ZNF765: variants seen among roughly 807,000 people sequenced by gnomAD.
ZNF765 encodes zinc finger protein 765.
ZNF765 carries 37 observed loss-of-function variants against 44.7 expected under a neutral mutation model. That is an observed-to-expected ratio of 0.83 (90% CI 0.64 to 1.09). The LOEUF is 1.09. ZNF765 is among the 50% of genes least tolerant of loss of function. The pLI is 0.00. For synonymous variants in ZNF765, 201 were observed against 213.7 expected (o/e 0.94, Z 0.52); for missense variants, 594 against 626.1 (o/e 0.95, Z 0.55).
At position 53,410,776 on chromosome 19, in the gene ZNF765, A is replaced by G. The variant is rs2085826457; in HGVS notation, c.*1649A>G. 6.7e-6 allele frequency: 3 copies of G among 445,530 alleles called. No individual in the cohort carries two copies. The highest frequency in any genetic ancestry group is 4.1e-5 in the African/African-American group (2 of 49,324). 27.6% of individuals were successfully genotyped at this position (445,530 alleles called of 1,614,324 possible). A position where few individuals can be genotyped will look rare whatever the true frequency, so the allele number is the denominator to read the frequency against. The stretch of plus-strand genomic sequence containing the variant: ...ACCTTACAAATGTCATGATTGTGAC[A>G]AGGTCTCAGTCAAGCTTCATTCTAT... On this transcript the variant is annotated 3_prime_UTR_variant, in exon 4 of 4. Transcript: ENST00000396408.
chr19:53,408,685 A>G lies in ZNF765; in HGVS notation c.1130A>G (p.His377Arg). ...CATTTTACATGCCATCATAGAGTTC[A>G]TACTGGAGAGAAACCTTACAAGTGT... The part of the protein sequence containing the change: ...KSHFTCHHRV[H>R]TGEKPYKCNE... Residue 377 changes from histidine to arginine, a missense_variant, in exon 4 of 4, where the codon CAT becomes CGT. This residue lies in a region of ZNF765 where 567 missense variants were observed against 572.6 expected (regional missense o/e 0.99). Coordinates refer to ENST00000396408, the MANE Select transcript of ZNF765 (RefSeq NM_001040185.3). 6.5e-7 allele frequency: 1 copy of G among 1,539,938 alleles called. No homozygotes were observed. Among genetic ancestry groups the G allele is most frequent in the Non-Finnish European group, 8.8e-7 (1 of 1,133,404 alleles).
At chr19:53,403,479 T>C (rs1390714097) in intron 3 of ZNF765, among the ~76,000 whole-genome samples, 1 of 151,790 alleles carries the variant, frequency 6.6e-6, no homozygotes, top group Non-Finnish European at 1.5e-5. Flanking sequence ...TATGATGGAG[T>C]CTTACTCTGT....
chr19:53,424,015 G>C (rs992294044), exon 4 of ZNF765: 36 of 152,470 alleles, frequency 2.4e-4, no homozygotes, highest in African/African-American at 7.2e-4. Flanking sequence ...GCAGATGGGG[G>C]AATGTGCGCA....
chr19:53,422,090 T>A (rs1341350020), intron 3 of ZNF765, among the ~76,000 whole-genome samples: 1 of 152,162 alleles, frequency 6.6e-6, no homozygotes, highest in Non-Finnish European at 1.5e-5. Context: ...TCATAATTGG[T>A]ATCAGCCTCT....
At chr19:53,400,763 C>CATACATATAT (rs374774697) in intron 2 of ZNF765, among the ~76,000 whole-genome samples, 10 of 116,808 alleles carry the variant, frequency 8.6e-5, no homozygotes, top group South Asian at 3.0e-4. Flanking sequence ...TATTTGTTGA[C>CATACATATAT]ATATATATAT....
At position 53,407,903 on chromosome 19, in the gene ZNF765, C is replaced by T. The variant is rs368264559; in HGVS notation, c.348C>T (p.Ile116=). ...RNGHEALMTK[I]KKLTGSTERY... ...GCCATGAAGCACTCATGACAAAAATCAAAAAGTTGACAGGTAGTACAGAGC... is the reference window on the plus strand; with the variant it reads ...GCCATGAAGCACTCATGACAAAAATTAAAAAGTTGACAGGTAGTACAGAGC... Residue 116 remains isoleucine (I), a synonymous_variant, in exon 4 of 4, where the codon ATC becomes ATT. Transcript: ENST00000396408. 3 of 1,613,116 alleles carry T rather than the reference C, an allele frequency of 1.9e-6. No individual in the cohort carries two copies. Among genetic ancestry groups the T allele is most frequent in the Non-Finnish European group, 2.5e-6 (3 of 1,179,682 alleles).
intron 2 of ZNF765, among the ~76,000 whole-genome samples, chr19:53,399,908 G>A (rs1332022623): frequency 1.1e-4 from 16 of 152,070 alleles, no homozygotes; most frequent in Admixed American, 9.2e-4. Context: ...TCTGCCTCCC[G>A]GGTTCAAGTG....
chr19:53,418,038 G>T (rs1362628994), intron 3 of ZNF765, among the ~76,000 whole-genome samples: 1 of 152,128 alleles, frequency 6.6e-6, no homozygotes. Flanking sequence ...AAATCCCTTT[G>T]GAGATGCTAC....
Position 53,398,013 on chromosome 19 carries a change from G to C in ZNF765, c.-3G>C. ...GAGGAAGAGGAAAGCAAAGGAGTCA[G>C]GGATGGCTCTTCCTCAGGTGAGATG... is the stretch of plus-strand genomic sequence containing the variant. On this transcript the variant is annotated 5_prime_UTR_variant, in exon 2 of 4. Transcript: ENST00000396408. 1 of 1,613,718 alleles carries C rather than the reference G, an allele frequency of 6.2e-7. No individual in the cohort carries two copies. Among genetic ancestry groups the C allele is most frequent in the South Asian group, 1.1e-5 (1 of 91,076 alleles).
intron 3 of ZNF765, among the ~76,000 whole-genome samples, chr19:53,405,173 GA>G (rs989361328): frequency 1.3e-5 from 2 of 152,146 alleles, no homozygotes; most frequent in African/African-American, 4.8e-5. Context: ...CCAACATGTT[GA>G]AACCCCGTCT....
downstream of ZNF765, among the ~76,000 whole-genome samples, chr19:53,413,930 CAAAA>C (rs386389261): frequency 1.0e-4 from 8 of 79,790 alleles, no homozygotes; most frequent in East Asian, 4.2e-4. Flanking sequence ...GCTAGAAAGA[CAAAA>C]AAAAAAAAAA....
Position 53,409,341 on chromosome 19 carries a change from C to T in ZNF765, c.*214C>T. ...TCATACGTCATCTTTTGTGTACCAT[C>T]ATAAACTTCATAGTGGAGAGACCTT... On this transcript the variant is annotated 3_prime_UTR_variant, in exon 4 of 4. Transcript: ENST00000396408. 1.2e-6 allele frequency: 1 copy of T among 838,502 alleles called. No homozygotes were observed. Among genetic ancestry groups the T allele is most frequent in the South Asian group, 1.4e-5 (1 of 72,608 alleles). The allele number at this position is 838,502 out of a possible 1,614,324, so 51.9% of individuals were successfully genotyped here. A position where few individuals can be genotyped will look rare whatever the true frequency, so the allele number is the denominator to read the frequency against.
At chr19:53,413,251 G>C, downstream of ZNF765, 1 of 594,828 alleles carries the variant, frequency 1.7e-6, no homozygotes, top group South Asian at 1.4e-5. Context: ...AAGCAAAACC[G>C]TTCCATTCCC....
intron 3 of ZNF765, among the ~76,000 whole-genome samples, chr19:53,420,723 C>G (rs2085901931): frequency 6.6e-6 from 1 of 152,162 alleles, no homozygotes; most frequent in Non-Finnish European, 1.5e-5. Context: ...GGATTTAGGG[C>G]TGTGCAGGCT....
rs34443506 is a variant in ZNF765, at chr19:53,418,910, GAAA to G, written c.143-4133_143-4131del. 5.4e-3 allele frequency among the ~76,000 whole-genome samples: 525 copies of G among 96,838 alleles called. 2 individuals are homozygous for G. The highest frequency in any genetic ancestry group is 0.019 in the African/African-American group (499 of 26,414). 63.5% of individuals were successfully genotyped at this position (96,838 alleles called of 152,430 possible). On this transcript the variant is annotated intron_variant, in intron 3 of 3. Coordinates refer to the ZNF765 transcript ENST00000594030. Reference sequence around the variant, plus strand: ...TAAGAGCGAAACTCCGTTGTGGGAGGAAAAAAAAAAAAAAAAAAAAAGTCCAGA... The same window carrying G: ...TAAGAGCGAAACTCCGTTGTGGGAGGAAAAAAAAAAAAAAAAAAGTCCAGA...
intron 1 of ZNF765, among the ~76,000 whole-genome samples, chr19:53,396,009 AAAGG>A (rs1568771880): frequency 1.3e-5 from 2 of 151,564 alleles, no homozygotes; most frequent in East Asian, 3.9e-4. Context: ...AAAAAAAAAA[AAAGG>A]AGGAGAAAAG....
chr19:53,412,392 C>A (rs995654100), downstream of ZNF765, among the ~76,000 whole-genome samples: 2 of 152,140 alleles, frequency 1.3e-5, no homozygotes, highest in Non-Finnish European at 2.9e-5. Context: ...TATCTACAAT[C>A]CTTTTTACAT....
Position 53,402,026 on chromosome 19 carries a change from C to T in ZNF765, c.16-39C>T. ...TCATTTTCTGTAAAGATAAGAACTC[C>T]TCCCATAACCATTTGGTTAAAATGT... On this transcript the variant is annotated intron_variant, in intron 2 of 3. Coordinates refer to ENST00000396408, the MANE Select transcript of ZNF765 (RefSeq NM_001040185.3). The T allele has an allele frequency of 1.9e-6, 3 of 1,613,868 alleles. No individual in the cohort carries two copies. The South Asian group carries it at 3.3e-5, about 18-fold the overall frequency.
In ZNF765 at chr19:53,405,933, AT is replaced by A. The variant is rs1568778983; in HGVS notation, c.143-1764del. On this transcript the variant is annotated intron_variant, in intron 3 of 3. Transcript: ENST00000396408. ...TATATATATATATATATATATATAT[AT>A]ATATATATATATATATAAAATTGCT... 6.9e-4 allele frequency among the ~76,000 whole-genome samples: 62 copies of A among 89,416 alleles called. 2 individuals are homozygous for A. Among genetic ancestry groups the A allele is most frequent in the Admixed American group, 1.2e-3 (11 of 8,868 alleles). 58.7% of individuals were successfully genotyped at this position (89,416 alleles called of 152,430 possible). A position where few individuals can be genotyped will look rare whatever the true frequency, so the allele number is the denominator to read the frequency against.
Sources: allele counts gnomAD v4.1 joint callset (sites outside exome capture counted in the v4.1 genomes callset), GRCh38; gene constraint gnomAD v4.1.1; regional missense constraint gnomAD v4.1.1; transcripts MANE v1.5; gene names NCBI Gene and HGNC (gene_info 2026-07-23, HGNC 2026-07-21).